Variants in ACKR2 observed in about 807,000 individuals in gnomAD.
The protein encoded by ACKR2 is atypical chemokine receptor 2, also known as C-C chemokine receptor D6.
For missense variants in ACKR2, 457 were observed against 477.3 expected (o/e 0.96, Z 0.40); for synonymous variants, 207 against 192.2 (o/e 1.08, Z -0.64).
chr3:42,856,708 T>C (rs1462846828), intron 2 of ACKR2, among the ~76,000 whole-genome samples: 1 of 151,758 alleles, frequency 6.6e-6, no homozygotes. Flanking sequence ...TAGAGCTGAT[T>C]TGCATTTCTC....
At position 42,864,576 on chromosome 3, in the gene ACKR2, A is replaced by G. The variant is rs2088414433; in HGVS notation, c.74A>G (p.Tyr25Cys). Residue 25 changes from tyrosine to cysteine, a missense_variant, in exon 3 of 3, where the codon TAT becomes TGT. Coordinates refer to ENST00000422265, the MANE Select transcript of ACKR2 (RefSeq NM_001296.5). ...ADSENSSFYY[Y>C]DYLDEVAFML... ...TCTGAGAATAGCAGCTTCTATTACTATGACTACCTGGATGAAGTGGCCTTC... is the reference window on the plus strand; with the variant it reads ...TCTGAGAATAGCAGCTTCTATTACTGTGACTACCTGGATGAAGTGGCCTTC... 1.2e-6 allele frequency: 2 copies of G among 1,614,120 alleles called. No homozygotes were observed. Among genetic ancestry groups the G allele is most frequent in the Admixed American group, 1.7e-5 (1 of 60,016 alleles).
intron 2 of ACKR2, among the ~76,000 whole-genome samples, chr3:42,824,936 A>G (rs902173507): frequency 9.9e-5 from 15 of 152,188 alleles, no homozygotes; most frequent in African/African-American, 3.1e-4. Flanking sequence ...CACAGCAGCA[A>G]TGTATGAGGG....
At chr3:42,816,072 A>G (rs1011732325) in intron 1 of ACKR2, among the ~76,000 whole-genome samples, 6 of 152,132 alleles carry the variant, frequency 3.9e-5, no homozygotes, top group African/African-American at 9.7e-5. Context: ...ATAAAACCCC[A>G]ACATTAACTG....
rs753647416 is a variant in ACKR2 at position 42,864,697 on chromosome 3, CCTT to C, written c.201_203del (p.Leu68del). ...TTGTGTTGGGCCTCAGCGGGAACCT[CCTT>C]CTTCTCATGGTCTTGCTCCGTTACG... On this transcript the variant is annotated inframe_deletion, in exon 3 of 3. Coordinates refer to ENST00000422265, the MANE Select transcript of ACKR2 (RefSeq NM_001296.5). 2.5e-6 allele frequency: 4 copies of C among 1,614,176 alleles called. No homozygotes were observed. The highest frequency in any genetic ancestry group is 1.7e-5 in the Admixed American group (1 of 60,010).
intron 2 of ACKR2, among the ~76,000 whole-genome samples, chr3:42,839,529 C>T (rs895477391): frequency 6.6e-6 from 1 of 152,138 alleles, no homozygotes; most frequent in Non-Finnish European, 1.5e-5. Context: ...CACGTCATCT[C>T]GCAAACATAA....
intron 1 of ACKR2, among the ~76,000 whole-genome samples, chr3:42,817,911 T>A (rs1036029630): frequency 6.6e-6 from 1 of 152,248 alleles, no homozygotes. Context: ...TCATTCTTTC[T>A]TAGTTACAGT....
intron 2 of ACKR2, among the ~76,000 whole-genome samples, chr3:42,850,422 G>A: frequency 6.6e-6 from 1 of 152,166 alleles, no homozygotes; most frequent in Admixed American, 6.5e-5. Context: ...AGGTCACACA[G>A]CCAGTAAATG....
At chr3:42,828,268 C>G (rs964778679) in intron 2 of ACKR2, among the ~76,000 whole-genome samples, 3 of 151,746 alleles carry the variant, frequency 2.0e-5, no homozygotes, top group African/African-American at 7.3e-5. Context: ...TGCCACCACG[C>G]CCAGCTGATT....
intron 2 of ACKR2, among the ~76,000 whole-genome samples, chr3:42,858,153 A>C (rs531328465): frequency 2.2e-4 from 33 of 152,356 alleles, no homozygotes; most frequent in African/African-American, 7.2e-4. Flanking sequence ...TGGATCTCCC[A>C]GCACAGCACT....
chr3:42,844,941 G>A (rs1701077384), intron 2 of ACKR2, among the ~76,000 whole-genome samples: 1 of 152,124 alleles, frequency 6.6e-6, no homozygotes, highest in Admixed American at 6.5e-5. Context: ...CTGCCTCCCT[G>A]TTGGACATCA....
rs1405927724 is a variant in ACKR2 at position 42,866,799 on chromosome 3, C to G, written c.*1142C>G. 1.2e-5 allele frequency: 2 copies of G among 166,854 alleles called. No individual in the cohort carries two copies. The highest frequency in any genetic ancestry group is 6.6e-5 in the Admixed American group (1 of 15,254). The allele number at this position is 166,854 out of a possible 1,614,324, so 10.3% of individuals were successfully genotyped here. The stretch of plus-strand genomic sequence containing the variant: ...AAAATACAGAGAGTGCTGCAATGAG[C>G]TGGGTAGAAGAGGTTAGTTTTATAG... On this transcript the variant is annotated 3_prime_UTR_variant, in exon 3 of 3. Transcript: ENST00000422265.
chr3:42,814,994 G>A (rs1700734979), intron 1 of ACKR2, among the ~76,000 whole-genome samples: 1 of 152,186 alleles, frequency 6.6e-6, no homozygotes, highest in African/African-American at 2.4e-5. Context: ...CTGTGTCACA[G>A]AGGACAGCAA....
chr3:42,858,788 G>T (rs937941309), intron 2 of ACKR2, among the ~76,000 whole-genome samples: 2 of 151,980 alleles, frequency 1.3e-5, no homozygotes, highest in African/African-American at 2.4e-5. Flanking sequence ...AAAAAGGTTA[G>T]AGGAATTGCT....
intron 2 of ACKR2, among the ~76,000 whole-genome samples, chr3:42,859,531 A>G (rs2088358661): frequency 6.6e-6 from 1 of 151,918 alleles, no homozygotes. Flanking sequence ...GGCGCCCGCC[A>G]CCATGCCCAG....
intron 2 of ACKR2, among the ~76,000 whole-genome samples, chr3:42,821,959 G>A (rs1299331613): frequency 1.3e-5 from 2 of 152,124 alleles, no homozygotes; most frequent in African/African-American, 4.8e-5. Flanking sequence ...GCCTCTCAAA[G>A]TGCTGGGATT....
chr3:42,839,802 G>A (rs1197609422), intron 2 of ACKR2, among the ~76,000 whole-genome samples: 1 of 152,196 alleles, frequency 6.6e-6, no homozygotes, highest in Non-Finnish European at 1.5e-5. Flanking sequence ...ACTCTGCCCT[G>A]TTGGGCTGCG....
chr3:42,864,461 C>T lies in ACKR2; in HGVS notation c.-37-5C>T, dbSNP rs776445860. 9.7e-6 allele frequency: 15 copies of T among 1,543,352 alleles called. No individual in the cohort carries two copies. The South Asian group carries it at 1.5e-4, about 16-fold the overall frequency. ...GCTAGGTCTCACCATATTTTCCCCC[C>T]GCAGCACTACAGGACGTCGGGACTG... On this transcript the variant is annotated splice_polypyrimidine_tract_variant and splice_region_variant and intron_variant, in intron 2 of 2. Transcript: ENST00000422265.
chr3:42,828,161 G>A (rs1700892692), intron 2 of ACKR2, among the ~76,000 whole-genome samples: 1 of 149,442 alleles, frequency 6.7e-6, no homozygotes, highest in Non-Finnish European at 1.5e-5. Context: ...CCAGGCTGGA[G>A]TGCAGTGGTG....
Position 42,866,910 on chromosome 3 carries a change from G to A in ACKR2, c.*1253G>A, listed in dbSNP as rs953476412. Reference sequence around the variant, plus strand: ...TTTTTTTGAGACAGGATCTCACTCTGTCATCCAGGCTGAAGTCCAATCCCA... The same window carrying A: ...TTTTTTTGAGACAGGATCTCACTCTATCATCCAGGCTGAAGTCCAATCCCA... On this transcript the variant is annotated 3_prime_UTR_variant, in exon 3 of 3. Transcript: ENST00000422265. 5 of 165,056 alleles carry A rather than the reference G, an allele frequency of 3.0e-5. No individual in the cohort carries two copies. Among genetic ancestry groups the A allele is most frequent in the African/African-American group, 1.2e-4 (5 of 41,032 alleles). 10.2% of individuals were successfully genotyped at this position (165,056 alleles called of 1,614,324 possible).
Sources: allele counts gnomAD v4.1 joint callset (sites outside exome capture counted in the v4.1 genomes callset), GRCh38; gene constraint gnomAD v4.1.1; transcripts MANE v1.5; gene names NCBI Gene and HGNC (gene_info 2026-07-23, HGNC 2026-07-21).